Variants in DLG2 observed in about 807,000 individuals in gnomAD.
DLG2 encodes the protein disks large homolog 2.
A neutral mutation model predicts 132.5 loss-of-function variants in DLG2; 45 were observed. The observed-to-expected ratio is 0.34, with a 90% CI of 0.27 to 0.44. The LOEUF is 0.44. Among genes scored for constraint, DLG2 ranks in the 20% least tolerant of loss-of-function variants. DLG2 has a pLI of 1.00. For missense variants in DLG2, 1,045 were observed against 1,196.9 expected, an observed-to-expected ratio of 0.87 and a Z score of 1.87; for synonymous variants, 424 against 419.6, an observed-to-expected ratio of 1.01 and a Z score of -0.13.
intron 3 of DLG2, among the ~76,000 whole-genome samples, chr11:85,453,891 T>C (rs557982454): frequency 3.3e-5 from 5 of 152,242 alleles, no homozygotes; most frequent in African/African-American, 1.2e-4. Context: ...CAAGTAAGCA[T>C]AGTACCCAAT....
chr11:84,523,824 CTT>C (rs1243827515), intron 7 of DLG2, among the ~76,000 whole-genome samples: 1 of 152,136 alleles, frequency 6.6e-6, no homozygotes, highest in African/African-American at 2.4e-5. Flanking sequence ...ACTATTAACA[CTT>C]ATCTAGAATT....
chr11:84,506,206 G>T (rs2154513041), intron 7 of DLG2, among the ~76,000 whole-genome samples: 1 of 150,826 alleles, frequency 6.6e-6, no homozygotes, highest in African/African-American at 2.5e-5. Context: ...CTCCCAAGTA[G>T]CTGGGACTAC....
intron 6 of DLG2, among the ~76,000 whole-genome samples, chr11:84,723,885 C>A (rs1051547092): frequency 6.6e-6 from 1 of 152,126 alleles, no homozygotes; most frequent in Non-Finnish European, 1.5e-5. Context: ...CTCCTAATGA[C>A]AACTTTCCTC....
chr11:84,049,551 C>A (rs952549080), intron 11 of DLG2, among the ~76,000 whole-genome samples: 1 of 151,756 alleles, frequency 6.6e-6, no homozygotes, highest in Non-Finnish European at 1.5e-5. Flanking sequence ...CTCATCTCTG[C>A]CCCAATTCTT....
At chr11:85,464,007 C>T (rs1370609254) in intron 3 of DLG2, among the ~76,000 whole-genome samples, 1 of 149,056 alleles carries the variant, frequency 6.7e-6, no homozygotes, top group Non-Finnish European at 1.5e-5. Flanking sequence ...CACACACATA[C>T]ACACACACAC....
chr11:84,268,524 C>G (rs1292362602), intron 7 of DLG2, among the ~76,000 whole-genome samples: 1 of 148,788 alleles, frequency 6.7e-6, no homozygotes, highest in Non-Finnish European at 1.5e-5. Flanking sequence ...TGCAGTGGCG[C>G]GATCTCGGCT....
chr11:85,075,466 T>C (rs1342253161), intron 6 of DLG2, among the ~76,000 whole-genome samples: 1 of 151,882 alleles, frequency 6.6e-6, no homozygotes, highest in African/African-American at 2.4e-5. Flanking sequence ...AAGCATGTAT[T>C]CAGTCACATA....
At chr11:85,170,951 G>C (rs1222174417) in intron 4 of DLG2, among the ~76,000 whole-genome samples, 1 of 151,250 alleles carries the variant, frequency 6.6e-6, no homozygotes, top group Non-Finnish European at 1.5e-5. Flanking sequence ...AAAAAAAACA[G>C]GGGAGAAGGG....
chr11:85,174,500 A>G (rs2079085976), intron 4 of DLG2, among the ~76,000 whole-genome samples: 1 of 152,188 alleles, frequency 6.6e-6, no homozygotes, highest in Admixed American at 6.5e-5. Context: ...ACTAAATGCC[A>G]CATTAAAAAG....
chr11:84,298,554 G>T (rs977214701), intron 7 of DLG2, among the ~76,000 whole-genome samples: 1 of 152,124 alleles, frequency 6.6e-6, no homozygotes, highest in African/African-American at 2.4e-5. Context: ...TGGCAATAAA[G>T]TTACAGAAAT....
At chr11:85,407,919 T>C (rs945748179) in intron 3 of DLG2, among the ~76,000 whole-genome samples, 6 of 151,690 alleles carry the variant, frequency 4.0e-5, no homozygotes, top group African/African-American at 1.4e-4. Flanking sequence ...GAGAGGCACA[T>C]ATGGCTGTTG....
chr11:84,350,181 C>A (rs943927428), intron 7 of DLG2, among the ~76,000 whole-genome samples: 31 of 143,108 alleles, frequency 2.2e-4, no homozygotes, highest in Middle Eastern at 3.2e-3. Context: ...TCGTCCCCCC[C>A]CCCAAAAAAA....
At chr11:84,384,902 G>T (rs1291477541) in intron 7 of DLG2, among the ~76,000 whole-genome samples, 2 of 152,036 alleles carry the variant, frequency 1.3e-5, no homozygotes, top group African/African-American at 4.8e-5. Flanking sequence ...ACATTCAAAG[G>T]CAACTTTAAC....
intron 8 of DLG2, among the ~76,000 whole-genome samples, chr11:84,183,800 C>A (rs2154282322): frequency 6.6e-6 from 1 of 152,210 alleles, no homozygotes; most frequent in Non-Finnish European, 1.5e-5. Context: ...TGTTCAATTC[C>A]CACCTATGAA....
chr11:83,548,592 C>T (rs538563195), intron 19 of DLG2, among the ~76,000 whole-genome samples: 61 of 152,228 alleles, frequency 4.0e-4, no homozygotes, highest in African/African-American at 1.4e-3. Flanking sequence ...CCACTGAGTG[C>T]CTGTTATTGG....
intron 6 of DLG2, among the ~76,000 whole-genome samples, chr11:84,913,602 G>A (rs527394138): frequency 3.3e-5 from 5 of 152,072 alleles, no homozygotes; most frequent in African/African-American, 1.2e-4. Context: ...CATAGTATGA[G>A]CAAGAACACA....
intron 14 of DLG2, among the ~76,000 whole-genome samples, chr11:83,932,126 C>A (rs1253756165): frequency 6.6e-6 from 1 of 151,674 alleles, no homozygotes; most frequent in Non-Finnish European, 1.5e-5. Context: ...ACAAATTTGA[C>A]AAAGCCTTCT....
At chr11:83,539,337 A>T (rs1031578012) in intron 20 of DLG2, among the ~76,000 whole-genome samples, 3 of 152,198 alleles carry the variant, frequency 2.0e-5, no homozygotes, top group African/African-American at 7.2e-5. Flanking sequence ...TATAAGATTT[A>T]AAAAATTTTC....
chr11:84,552,975 T>C (rs2099404874), intron 6 of DLG2, among the ~76,000 whole-genome samples: 1 of 152,202 alleles, frequency 6.6e-6, no homozygotes, highest in Middle Eastern at 3.2e-3. Context: ...TTTTTTTCAC[T>C]CATTTGCATT....
Sources: gnomAD v4.1 joint callset for allele counts (sites outside exome capture counted in the v4.1 genomes callset) on GRCh38, gnomAD v4.1.1 for gene constraint, MANE v1.5 for transcripts, NCBI Gene and HGNC (gene_info 2026-07-23, HGNC 2026-07-21) for gene names.